The following ZFP2 variants were observed in gnomAD, a reference collection of about 807,000 sequenced individuals.
ZFP2 encodes the protein ZFP2 zinc finger protein, also known as zinc finger protein ZFP2.
ZFP2 carries 33 observed loss-of-function variants against 36.1 expected under a neutral mutation model. The ratio of observed to expected loss-of-function variants is 0.92; its 90% CI spans 0.69 to 1.22. The LOEUF is 1.22. Among genes scored for constraint, ZFP2 ranks in the 50% most tolerant of loss-of-function variants. ZFP2 has a pLI of 0.00. For synonymous variants in ZFP2, 170 were observed against 178.0 expected, an observed-to-expected ratio of 0.96 and a Z score of 0.36; for missense variants, 522 against 551.4, an observed-to-expected ratio of 0.95 and a Z score of 0.53.
At chr5:178,900,896 T>C (rs1488418997) in intron 1 of ZFP2, among the ~76,000 whole-genome samples, 1 of 152,214 alleles carries the variant, frequency 6.6e-6, no homozygotes, top group Non-Finnish European at 1.5e-5. Context: ...CCCTACAGTA[T>C]TGCCCTTTGT....
chr5:178,896,389 G>T (rs1455776201), intron 1 of ZFP2, among the ~76,000 whole-genome samples: 1 of 152,008 alleles, frequency 6.6e-6, no homozygotes, highest in Non-Finnish European at 1.5e-5. Flanking sequence ...GCTTTGTCCC[G>T]GGACACGCTG....
chr5:178,920,569 A>G (rs7445389), intron 4 of ZFP2, among the ~76,000 whole-genome samples: 149,623 of 151,994 alleles, frequency 0.98, 73,688 homozygotes, highest in East Asian at 1. Context: ...CCCGGGAGGT[A>G]GAGGTTGCAG....
chr5:178,911,347 A>G (rs1474369008), intron 1 of ZFP2, among the ~76,000 whole-genome samples: 1 of 152,108 alleles, frequency 6.6e-6, no homozygotes, highest in Non-Finnish European at 1.5e-5. Flanking sequence ...TAAATAACAC[A>G]AATTTGAACT....
At chr5:178,924,191 G>A (rs1758615503) in intron 4 of ZFP2, among the ~76,000 whole-genome samples, 2 of 148,484 alleles carry the variant, frequency 1.3e-5, no homozygotes, top group African/African-American at 4.9e-5. Context: ...GGCTAACACG[G>A]TGAAACCCCG....
chr5:178,915,280 T>C (rs1171668691), intron 3 of ZFP2, among the ~76,000 whole-genome samples: 1 of 151,838 alleles, frequency 6.6e-6, no homozygotes, highest in East Asian at 1.9e-4. Context: ...CTTTACCCCA[T>C]TCGTGCTTCC....
At chr5:178,903,440 AT>A (rs1378205065) in intron 1 of ZFP2, among the ~76,000 whole-genome samples, 9 of 152,202 alleles carry the variant, frequency 5.9e-5, no homozygotes. Flanking sequence ...AACAACTATG[AT>A]GTACATTCTT....
At chr5:178,896,017 T>A (rs1757926537) in intron 1 of ZFP2, 43 bp downstream of exon 1, 1 of 152,042 alleles carries the variant, frequency 6.6e-6, no homozygotes, top group Non-Finnish European at 1.5e-5. Flanking sequence ...CATCCGTGAG[T>A]CTTGTAGGCC....
chr5:178,917,388 GC>G lies in ZFP2; in HGVS notation c.-78+679del, dbSNP rs947085325. On this transcript the variant is annotated intron_variant, in intron 4 of 4. Coordinates refer to ENST00000361362, the MANE Select transcript of ZFP2 (RefSeq NM_030613.4). Reference sequence around the variant, plus strand: ...CCAGCATTTTGGGAGGCTGAGGCGGGCAGATCTCTTGAGGTCAAGAGTTCGA... The same window carrying G: ...CCAGCATTTTGGGAGGCTGAGGCGGGAGATCTCTTGAGGTCAAGAGTTCGA... Among the ~76,000 whole-genome samples, 26 of 152,242 alleles carry G rather than the reference GC, an allele frequency of 1.7e-4. No individual in the cohort carries two copies. The South Asian group carries it at 2.3e-3, about 13-fold the overall frequency.
At chr5:178,916,132 A>C (rs923797595) in intron 3 of ZFP2, among the ~76,000 whole-genome samples, 5 of 113,768 alleles carry the variant, frequency 4.4e-5, no homozygotes, top group African/African-American at 1.5e-4. Context: ...TCCAAGGAGG[A>C]GGAGAGGGCC....
intron 4 of ZFP2, among the ~76,000 whole-genome samples, chr5:178,929,838 A>T (rs531559634): frequency 6.6e-6 from 1 of 151,430 alleles, no homozygotes; most frequent in Non-Finnish European, 1.5e-5. Flanking sequence ...CAATTCTCAC[A>T]TTGTTATGAA....
chr5:178,904,137 C>G (rs75764573), intron 1 of ZFP2, among the ~76,000 whole-genome samples: 6,056 of 152,262 alleles, frequency 0.04, 434 homozygotes, highest in African/African-American at 0.14. Flanking sequence ...AAGTAGGGAT[C>G]TAACTTCATT....
intron 4 of ZFP2, among the ~76,000 whole-genome samples, chr5:178,927,772 G>A (rs1355995060): frequency 6.6e-6 from 1 of 151,524 alleles, no homozygotes; most frequent in Non-Finnish European, 1.5e-5. Flanking sequence ...CTGACCTCGG[G>A]TGATTCTGCC....
At chr5:178,896,170 C>T (rs948858426) in intron 1 of ZFP2, among the ~76,000 whole-genome samples, 196 bp downstream of exon 1, 2 of 152,218 alleles carry the variant, frequency 1.3e-5, no homozygotes, top group Non-Finnish European at 2.9e-5. Context: ...GCTCCCTCTT[C>T]CCCAGGAGCT....
rs1225501997 is a variant in ZFP2 at position 178,931,644 on chromosome 5, T to G, written c.331T>G (p.Phe111Val). ...TGAATGTAATCAGTGCAGCAAAACC[T>G]TCAGTCAGAGCTCATCCCTTCTTAA... is the stretch of plus-strand genomic sequence containing the variant. The part of the protein sequence containing the change: ...IYECNQCSKT[F>V]SQSSSLLKHQ... Residue 111 changes from phenylalanine (F) to valine (V), a missense_variant, in exon 5 of 5, where the codon TTC (phenylalanine) becomes GTC (valine). By Grantham distance (50) the Phe-to-Val change is conservative (BLOSUM62 -1). Coordinates refer to ENST00000361362, the MANE Select transcript of ZFP2 (RefSeq NM_030613.4). 1 of 1,614,110 alleles carries G rather than the reference T, an allele frequency of 6.2e-7. No homozygotes were observed.
chr5:178,908,376 G>A (rs1192523428), intron 1 of ZFP2, among the ~76,000 whole-genome samples: 1 of 151,842 alleles, frequency 6.6e-6, no homozygotes. Context: ...GAACCTGGGA[G>A]GTGGAGCTTG....
intron 1 of ZFP2, among the ~76,000 whole-genome samples, chr5:178,911,943 C>G (rs1270123866): frequency 6.6e-6 from 1 of 152,060 alleles, no homozygotes; most frequent in Non-Finnish European, 1.5e-5. Context: ...TGAGACCAGC[C>G]TGACCAACAT....
At chr5:178,907,937 G>A (rs1222333382) in intron 1 of ZFP2, among the ~76,000 whole-genome samples, 1 of 152,170 alleles carries the variant, frequency 6.6e-6, no homozygotes, top group African/African-American at 2.4e-5. Context: ...GCAGCATGTT[G>A]ATGGATAAAC....
chr5:178,912,720 G>T lies in ZFP2; in HGVS notation c.-314+1G>T. 1 of 1,063,556 alleles carries T rather than the reference G, an allele frequency of 9.4e-7. No homozygotes were observed. The allele number at this position is 1,063,556 out of a possible 1,614,324, so 65.9% of individuals were successfully genotyped here. On this transcript the variant is annotated splice_donor_variant, in intron 2 of 4. Coordinates refer to ENST00000361362, the MANE Select transcript of ZFP2 (RefSeq NM_030613.4). LOFTEE classifies it low-confidence loss of function (5UTR_SPLICE). ...AACTACAGGAACCCGGTCTCACTGG[G>T]TAAGGACTTCTTGTAACTCAAAACC...
chr5:178,929,945 G>GGC (rs1554107557), intron 4 of ZFP2, among the ~76,000 whole-genome samples: 2 of 141,068 alleles, frequency 1.4e-5, no homozygotes, highest in African/African-American at 2.6e-5. Flanking sequence ...TTGACGGTGG[G>GGC]GGGGGGGGCT....
Sources: gnomAD v4.1 joint callset for allele counts (sites outside exome capture counted in the v4.1 genomes callset) on GRCh38, gnomAD v4.1.1 for gene constraint, MANE v1.5 for transcripts, NCBI Gene and HGNC (gene_info 2026-07-23, HGNC 2026-07-21) for gene names.